Variants in TMC8 observed in about 807,000 individuals in gnomAD.
The protein encoded by TMC8 is transmembrane channel like 8.
A neutral mutation model predicts 76.0 loss-of-function variants in TMC8; 71 were observed. The ratio of observed to expected loss-of-function variants is 0.93; its 90% CI spans 0.77 to 1.14. The LOEUF (loss-of-function observed/expected upper bound fraction) is 1.14, where lower values mean the gene tolerates loss of function less well. Ranked by LOEUF, TMC8 falls within the 50% of genes most tolerant of loss-of-function variation. The pLI is 0.00. For synonymous variants in TMC8, 433 were observed against 433.8 expected, an observed-to-expected ratio of 1.00 and a Z score of 0.02; for missense variants, 924 against 947.9, an observed-to-expected ratio of 0.97 and a Z score of 0.33.
In TMC8 at chr17:78,142,485, C is replaced by G. The variant is rs972831090; in HGVS notation, c.*1373C>G. 6.6e-6 allele frequency: 1 copy of G among 152,430 alleles called. No individual in the cohort carries two copies. The highest frequency in any genetic ancestry group is 1.5e-5 in the Non-Finnish European group (1 of 68,198). 9.4% of individuals were successfully genotyped at this position (152,430 alleles called of 1,614,324 possible). ...ATGGTCATCAAAGACTTGGCCAGTT[C>G]CGCCTCTCCCACGGCCGTCCTTGTC... On this transcript the variant is annotated 3_prime_UTR_variant, in exon 16 of 16. Coordinates refer to ENST00000318430, the MANE Select transcript of TMC8 (RefSeq NM_152468.5).
At position 78,141,188 on chromosome 17, in the gene TMC8, AC is replaced by A; in HGVS notation, c.*78del. The stretch of plus-strand genomic sequence containing the variant: ...TACTCCATCTTCCAGACCCCTGGCG[AC>A]CACCGCCCCTCTCAGTGGCTCCAGG... On this transcript the variant is annotated 3_prime_UTR_variant, in exon 16 of 16. Transcript: ENST00000318430. 9.4e-7 allele frequency: 1 copy of A among 1,066,800 alleles called. No individual in the cohort carries two copies. 66.1% of individuals were successfully genotyped at this position (1,066,800 alleles called of 1,614,324 possible).
At position 78,131,296 on chromosome 17, in the gene TMC8, C is replaced by T. The variant is rs1022097823; in HGVS notation, c.-293C>T. On this transcript the variant is annotated 5_prime_UTR_variant, in exon 2 of 16. Transcript: ENST00000318430. ...CATTTGACAGATGGGGAGACTGAGG[C>T]CGTGGCTGTGTGTCCCTCTGAGAGT... The T allele has an allele frequency of 3.7e-6, 2 of 543,416 alleles. No individual in the cohort carries two copies. The highest frequency in any genetic ancestry group is 3.8e-5 in the African/African-American group (2 of 52,268). 33.7% of individuals were successfully genotyped at this position (543,416 alleles called of 1,614,324 possible). A position where few individuals can be genotyped will look rare whatever the true frequency, so the allele number is the denominator to read the frequency against.
In TMC8 at chr17:78,140,973, C is replaced by A; in HGVS notation, c.2042C>A (p.Pro681His). 1 of 1,593,918 alleles carries A rather than the reference C, an allele frequency of 6.3e-7. No homozygotes were observed. Among genetic ancestry groups the A allele is most frequent in the African/African-American group, 1.3e-5 (1 of 74,578 alleles). ...PQSFCPGCPC[P>H]GSPGHQAPRP... is the part of the protein sequence containing the mutation. ...TCCTTCTGCCCCGGATGCCCATGCCCTGGCTCCCCGGGCCACCAGGCCCCG... is the reference window on the plus strand; with the variant it reads ...TCCTTCTGCCCCGGATGCCCATGCCATGGCTCCCCGGGCCACCAGGCCCCG... Residue 681 changes from proline to histidine, a missense_variant, in exon 16 of 16, where the codon CCT becomes CAT. By Grantham distance (77) the Pro-to-His change is moderately conservative. Transcript: ENST00000318430.
Position 78,131,423 on chromosome 17 carries a change from C to A in TMC8, c.-166C>A. The A allele has an allele frequency of 3.2e-6, 3 of 932,166 alleles. No homozygotes were observed. The highest frequency in any genetic ancestry group is 1.5e-5 in the South Asian group (1 of 66,950). 57.7% of individuals were successfully genotyped at this position (932,166 alleles called of 1,614,324 possible). A position where few individuals can be genotyped will look rare whatever the true frequency, so the allele number is the denominator to read the frequency against. ...AGACCCGGGCAAGTGAACCCTAGGGCTGCAGGAGCCCAGGCCCCGACGCCG... is the reference window on the plus strand; with the variant it reads ...AGACCCGGGCAAGTGAACCCTAGGGATGCAGGAGCCCAGGCCCCGACGCCG... On this transcript the variant is annotated 5_prime_UTR_variant, in exon 2 of 16. It adds an upstream start codon to the 5' untranslated region. Coordinates refer to ENST00000318430, the MANE Select transcript of TMC8 (RefSeq NM_152468.5).
chr17:78,140,682 C>T lies in TMC8; in HGVS notation c.1903-152C>T, dbSNP rs1185581972. 1.5e-5 allele frequency: 16 copies of T among 1,096,432 alleles called. No homozygotes were observed. In the Admixed American group the frequency reaches 3.1e-4, roughly 22 times the overall value. 67.9% of individuals were successfully genotyped at this position (1,096,432 alleles called of 1,614,324 possible). ...GGGCGTGGCCCTGGGAGGGTGTGGC[C>T]TCGAGCGGGGCGTGGCCTCGGGCGG... On this transcript the variant is annotated intron_variant, in intron 15 of 15. Coordinates refer to ENST00000318430, the MANE Select transcript of TMC8 (RefSeq NM_152468.5).
chr17:78,135,073 T>C (rs1598913243), intron 9 of TMC8, 64 bp downstream of exon 9: 4 of 1,607,782 alleles, frequency 2.5e-6, no homozygotes, highest in African/African-American at 2.7e-5. Context: ...CTGCTCTCTT[T>C]TGGTTGTCAC....
At chr17:78,131,842 C>A in intron 2 of TMC8, 40 bp from the exon 3 acceptor site, 1 of 1,386,398 alleles carries the variant, frequency 7.2e-7, no homozygotes, top group Non-Finnish European at 9.5e-7. Flanking sequence ...GTGGGCAGGG[C>A]GGGTGACTCA....
At chr17:78,134,829 C>T in intron 8 of TMC8, 41 bp from the exon 9 acceptor site, 1 of 1,611,360 alleles carries the variant, frequency 6.2e-7, no homozygotes, top group South Asian at 1.1e-5. Flanking sequence ...AGACAGGGGC[C>T]CCCCAGCACG....
Position 78,132,360 on chromosome 17 carries a change from C to T in TMC8, c.300C>T (p.Gly100=). ...ACCCACCCTGCTCTCCCACTGCAGG[C>T]CTCTTCGGCACAGGAATTCGGTCCT... is the stretch of plus-strand genomic sequence containing the variant. The part of the protein sequence containing the change: ...LWEGALYEIG[G]LFGTGIRSYF... The change falls in exon 4 of 16, where the codon GGC becomes GGT. Residue 100 remains glycine, a splice_region_variant and synonymous_variant. Coordinates refer to ENST00000318430, the MANE Select transcript of TMC8 (RefSeq NM_152468.5). The T allele has an allele frequency of 1.9e-6, 3 of 1,612,954 alleles. No individual in the cohort carries two copies. The highest frequency in any genetic ancestry group is 2.5e-6 in the Non-Finnish European group (3 of 1,179,748).
intron 15 of TMC8, among the ~76,000 whole-genome samples, chr17:78,140,359 G>A (rs1343486307): frequency 2.6e-5 from 4 of 152,182 alleles, no homozygotes; most frequent in Non-Finnish European, 5.9e-5. Context: ...TTTAGGCTTG[G>A]GGCCAGGGGC....
rs759253214 is a variant in TMC8 at position 78,132,380 on chromosome 17, G to A, written c.320G>A (p.Arg107Gln). ...GCAGGCCTCTTCGGCACAGGAATTC[G>A]GTCCTACTTCACCTTCCTCCGCTTC... ...EIGGLFGTGI[R>Q]SYFTFLRFLL... Residue 107 changes from arginine to glutamine, a missense_variant, in exon 4 of 16, where the codon CGG becomes CAG. Physicochemically the swap from Arg to Gln is conservative, Grantham distance 43. Coordinates refer to ENST00000318430, the MANE Select transcript of TMC8 (RefSeq NM_152468.5). 6 of 1,613,054 alleles carry A rather than the reference G, an allele frequency of 3.7e-6. No homozygotes were observed. The highest frequency in any genetic ancestry group is 2.5e-6 in the Non-Finnish European group (3 of 1,179,766).
At position 78,131,455 on chromosome 17, in the gene TMC8, AG is replaced by A; in HGVS notation, c.-130del. 2.3e-6 allele frequency: 3 copies of A among 1,282,994 alleles called. No individual in the cohort carries two copies. The highest frequency in any genetic ancestry group is 1.3e-5 in the South Asian group (1 of 77,706). The allele number at this position is 1,282,994 out of a possible 1,614,324, so 79.5% of individuals were successfully genotyped here. On this transcript the variant is annotated 5_prime_UTR_variant, in exon 2 of 16. The change abolishes the stop of an existing upstream ORF in the 5' untranslated region. Coordinates refer to ENST00000318430, the MANE Select transcript of TMC8 (RefSeq NM_152468.5). ...AGCCCAGGCCCCGACGCCGGCGCAG[AG>A]GGGACGGAAGGGCCCGCCCCCAGCC... is the stretch of plus-strand genomic sequence containing the variant.
intron 7 of TMC8, 146 bp from the exon 8 acceptor site, chr17:78,134,248 T>A (rs770936726): frequency 3.6e-6 from 4 of 1,115,192 alleles, no homozygotes; most frequent in Non-Finnish European, 5.3e-6. Context: ...TGAATCTGAG[T>A]GTCTATGGGA....
intron 9 of TMC8, among the ~76,000 whole-genome samples, chr17:78,136,278 A>G (rs2075226543): frequency 6.6e-6 from 1 of 152,172 alleles, no homozygotes; most frequent in Non-Finnish European, 1.5e-5. Flanking sequence ...GGCCTGGGCA[A>G]CATGGCAAGA....
chr17:78,131,776 G>A (rs1176176105), intron 2 of TMC8, 39 bp downstream of exon 2: 1 of 1,556,474 alleles, frequency 6.4e-7, no homozygotes, highest in Non-Finnish European at 8.7e-7. Context: ...CGTGGGGGGG[G>A]TGCTGCGAGG....
chr17:78,136,826 C>A, intron 9 of TMC8: 1 of 337,228 alleles, frequency 3.0e-6, no homozygotes, highest in East Asian at 8.0e-5. Flanking sequence ...CTTTGGGAGG[C>A]CAAGGCGGGT....
chr17:78,140,783 C>G, intron 15 of TMC8, 51 bp from the exon 16 acceptor site: 1 of 1,569,536 alleles, frequency 6.4e-7, no homozygotes, highest in Non-Finnish European at 8.6e-7. Flanking sequence ...TCCTCACACC[C>G]GCTCGTGGGA....
At position 78,139,252 on chromosome 17, in the gene TMC8, C is replaced by T. The variant is rs767102189; in HGVS notation, c.1902+12C>T. On this transcript the variant is annotated intron_variant, in intron 15 of 15. Transcript: ENST00000318430. ...AGCAGCTGGTGTGGGTGAGTGTCCT[C>T]GGGGCTGGTGAGGGGACAGCAGCTT... 1.8e-5 allele frequency: 29 copies of T among 1,612,934 alleles called. 1 individual carries two copies. Among genetic ancestry groups the T allele is most frequent in the East Asian group, 4.5e-5 (2 of 44,884 alleles).
In TMC8 at chr17:78,131,394, C is replaced by G. The variant is rs777529104; in HGVS notation, c.-195C>G. ...TTTCTGAGCCCCGGAGGTGGCAGAGCGGCAGACCCGGGCAAGTGAACCCTA... is the reference window on the plus strand; with the variant it reads ...TTTCTGAGCCCCGGAGGTGGCAGAGGGGCAGACCCGGGCAAGTGAACCCTA... On this transcript the variant is annotated 5_prime_UTR_variant, in exon 2 of 16. Transcript: ENST00000318430. 74 of 716,748 alleles carry G rather than the reference C, an allele frequency of 1.0e-4. No homozygotes were observed. Among genetic ancestry groups the G allele is most frequent in the Non-Finnish European group, 1.5e-4 (66 of 435,718 alleles). The allele number at this position is 716,748 out of a possible 1,614,324, so 44.4% of individuals were successfully genotyped here. A position where few individuals can be genotyped will look rare whatever the true frequency, so the allele number is the denominator to read the frequency against.
Sources: gnomAD v4.1 joint callset for allele counts (sites outside exome capture counted in the v4.1 genomes callset) on GRCh38, gnomAD v4.1.1 for gene constraint, MANE v1.5 for transcripts, NCBI Gene and HGNC (gene_info 2026-07-23, HGNC 2026-07-21) for gene names.